Variants in KCNH5 observed in about 807,000 individuals in gnomAD.
The protein encoded by KCNH5 is voltage-gated delayed rectifier potassium channel KCNH5.
A neutral mutation model predicts 96.1 loss-of-function variants in KCNH5; 46 were observed. The observed-to-expected ratio is 0.48, with a 90% CI of 0.38 to 0.61. KCNH5 has a LOEUF of 0.61. Ranked by LOEUF, KCNH5 falls within the 20% of genes least tolerant of loss-of-function variation. The pLI is 0.00. For synonymous variants in KCNH5, 439 were observed against 449.8 expected (o/e 0.98, Z 0.30); for missense variants, 907 against 1,225.8 (o/e 0.74, Z 3.88).
chr14:62,867,545 C>T (rs1888158360), intron 7 of KCNH5, among the ~76,000 whole-genome samples: 1 of 152,204 alleles, frequency 6.6e-6, no homozygotes. Flanking sequence ...TTCCCTATAC[C>T]TCTACAATAG....
intron 7 of KCNH5, among the ~76,000 whole-genome samples, chr14:62,866,638 G>T (rs1325180414): frequency 6.6e-6 from 1 of 152,134 alleles, no homozygotes; most frequent in East Asian, 1.9e-4. Context: ...ACATGAAGAG[G>T]TTGCATGACT....
intron 6 of KCNH5, among the ~76,000 whole-genome samples, chr14:62,979,943 G>A (rs551550575): frequency 1.3e-5 from 2 of 152,296 alleles, no homozygotes; most frequent in African/African-American, 4.8e-5. Flanking sequence ...ATCTCAAATG[G>A]TAATCCCCAC....
At chr14:62,968,232 C>T (rs1890339376) in intron 6 of KCNH5, among the ~76,000 whole-genome samples, 1 of 152,220 alleles carries the variant, frequency 6.6e-6, no homozygotes, top group South Asian at 2.1e-4. Flanking sequence ...GACTCTTACC[C>T]TTTCTCCAAA....
chr14:62,794,683 T>G (rs1595625228), intron 9 of KCNH5, among the ~76,000 whole-genome samples: 1 of 152,136 alleles, frequency 6.6e-6, no homozygotes. Flanking sequence ...AAATACACTT[T>G]AAAAGTTTGT....
Position 62,708,371 on chromosome 14 carries a change from C to G in KCNH5, c.2104G>C (p.Val702Leu). Residue 702 changes from valine to leucine, a missense_variant, in exon 11 of 11, where the codon GTG becomes CTG. Physicochemically the swap from Val to Leu is conservative, Grantham distance 32. This residue lies in a region of KCNH5 where 362 missense variants were observed against 394.4 expected (regional missense o/e 0.92). Coordinates refer to ENST00000322893, the MANE Select transcript of KCNH5 (RefSeq NM_139318.5). Reference sequence around the variant, plus strand: ...AAGAGCTTTCTGACTGGGTGGTCCACGGGAATGCTGAGGGTCACCTCATTC... The same window carrying G: ...AAGAGCTTTCTGACTGGGTGGTCCAGGGGAATGCTGAGGGTCACCTCATTC... ...QKNEVTLSIP[V>L]DHPVRKLFQK... is the part of the protein sequence containing the mutation. 6.2e-7 allele frequency: 1 copy of G among 1,613,842 alleles called. No homozygotes were observed. The highest frequency in any genetic ancestry group is 1.1e-5 in the South Asian group (1 of 91,078).
In KCNH5 at chr14:62,707,256, A is replaced by G. The variant is rs1884451609; in HGVS notation, c.*252T>C. On this transcript the variant is annotated 3_prime_UTR_variant, in exon 11 of 11. Coordinates refer to ENST00000322893, the MANE Select transcript of KCNH5 (RefSeq NM_139318.5). ...GTAACAAAAATCATACTCTTTTATT[A>G]TAGAATAGAGATTATAAATAAATGT... The G allele has an allele frequency of 4.7e-6, 1 of 213,828 alleles. No homozygotes were observed. The highest frequency in any genetic ancestry group is 9.0e-6 in the Non-Finnish European group (1 of 110,542). The allele number at this position is 213,828 out of a possible 1,614,324, so 13.2% of individuals were successfully genotyped here.
intron 9 of KCNH5, among the ~76,000 whole-genome samples, chr14:62,790,188 C>T (rs1886404469): frequency 6.6e-6 from 1 of 151,648 alleles, no homozygotes; most frequent in South Asian, 2.1e-4. Flanking sequence ...CCTTTGGCAC[C>T]CTTGTTGAAA....
At chr14:62,842,537 G>A (rs1305825234) in intron 8 of KCNH5, among the ~76,000 whole-genome samples, 2 of 152,144 alleles carry the variant, frequency 1.3e-5, no homozygotes, top group South Asian at 4.1e-4. Context: ...TATATTTGTT[G>A]CATAATGCTT....
Position 63,008,021 on chromosome 14 carries a change from G to T in KCNH5, c.198-1549C>A, listed in dbSNP as rs142161224. On this transcript the variant is annotated intron_variant, in intron 2 of 10. Transcript: ENST00000322893. The stretch of plus-strand genomic sequence containing the variant: ...ATCATCAGTTGTACATCTGGTTTTA[G>T]ATACACAGTTCTGCTGATCGGTATG... Among the ~76,000 whole-genome samples the T allele has an allele frequency of 4.5e-3, 692 of 152,184 alleles. 3 individuals carry two copies. The highest frequency in any genetic ancestry group is 0.011 in the East Asian group (58 of 5,172).
At chr14:62,768,927 T>C (rs1040047456) in intron 10 of KCNH5, among the ~76,000 whole-genome samples, 4 of 152,184 alleles carry the variant, frequency 2.6e-5, no homozygotes, top group Admixed American at 2.6e-4. Context: ...TTTTATTCCG[T>C]CTGGAAGCAG....
chr14:62,879,627 T>C (rs1367429983), intron 7 of KCNH5, among the ~76,000 whole-genome samples: 2 of 152,164 alleles, frequency 1.3e-5, no homozygotes, highest in African/African-American at 4.8e-5. Flanking sequence ...AAAAAACTTG[T>C]GCCAATTTTT....
intron 10 of KCNH5, among the ~76,000 whole-genome samples, chr14:62,734,711 G>A (rs1595599121): frequency 6.6e-6 from 1 of 152,038 alleles, no homozygotes; most frequent in Admixed American, 6.6e-5. Context: ...TTACCTATTA[G>A]CATCTCTCTC....
intron 10 of KCNH5, among the ~76,000 whole-genome samples, chr14:62,731,973 G>A (rs1460118826): frequency 3.9e-5 from 6 of 152,174 alleles, no homozygotes; most frequent in South Asian, 2.1e-4. Context: ...ACATGTGATC[G>A]TGTAGAAACT....
At chr14:62,796,001 C>A (rs1026564333) in intron 9 of KCNH5, among the ~76,000 whole-genome samples, 2 of 152,084 alleles carry the variant, frequency 1.3e-5, no homozygotes, top group Non-Finnish European at 2.9e-5. Flanking sequence ...AGGAAACTTC[C>A]TGCAATTCAG....
chr14:62,719,348 T>G (rs1178606206), intron 10 of KCNH5, among the ~76,000 whole-genome samples: 2 of 152,240 alleles, frequency 1.3e-5, no homozygotes, highest in African/African-American at 2.4e-5. Flanking sequence ...TGCACACCCA[T>G]GAAGCCAGCT....
intron 9 of KCNH5, among the ~76,000 whole-genome samples, chr14:62,789,888 A>G (rs528128103): frequency 6.6e-6 from 1 of 151,988 alleles, no homozygotes; most frequent in African/African-American, 2.4e-5. Context: ...CTTGCTGTAC[A>G]GAAACGTTTT....
At chr14:63,015,523 T>C (rs1036280058) in intron 2 of KCNH5, among the ~76,000 whole-genome samples, 1 of 152,038 alleles carries the variant, frequency 6.6e-6, no homozygotes, top group Non-Finnish European at 1.5e-5. Context: ...GTTCCTCTGA[T>C]TACTCAGTAC....
At chr14:63,044,786 G>A (rs886345308) in intron 1 of KCNH5, among the ~76,000 whole-genome samples, 1 of 152,170 alleles carries the variant, frequency 6.6e-6, no homozygotes, top group Non-Finnish European at 1.5e-5. Flanking sequence ...GTGGGAGAAG[G>A]AAGAACAAGA....
chr14:62,890,844 C>T (rs1164239046), intron 7 of KCNH5, among the ~76,000 whole-genome samples: 1 of 151,948 alleles, frequency 6.6e-6, no homozygotes, highest in Non-Finnish European at 1.5e-5. Context: ...CAGTGAGATA[C>T]CATCTCTGAA....
Sources: allele counts gnomAD v4.1 joint callset (sites outside exome capture counted in the v4.1 genomes callset), GRCh38; gene constraint gnomAD v4.1.1; regional missense constraint gnomAD v4.1.1; transcripts MANE v1.5; gene names NCBI Gene and HGNC (gene_info 2026-07-23, HGNC 2026-07-21).